The following RBL1 variants were observed in gnomAD, a reference collection of about 807,000 sequenced individuals.
RBL1 encodes RB transcriptional corepressor like 1, also known as retinoblastoma-like protein 1.
In RBL1, 82 loss-of-function variants were observed where a neutral mutation model predicts 123.0. That is an observed-to-expected ratio of 0.67 (90% CI 0.56 to 0.80). The LOEUF (loss-of-function observed/expected upper bound fraction) is 0.80, where lower values mean the gene tolerates loss of function less well. Among genes scored for constraint, RBL1 ranks in the 30% least tolerant of loss-of-function variants. RBL1 has a pLI of 0.00. For missense variants in RBL1, 1,171 were observed against 1,299.6 expected, an observed-to-expected ratio of 0.90 and a Z score of 1.52; for synonymous variants, 405 against 441.3, an observed-to-expected ratio of 0.92 and a Z score of 1.03.
chr20:37,049,417 TACA>T, intron 11 of RBL1: 1 of 746,114 alleles, frequency 1.3e-6, no homozygotes, highest in South Asian at 1.4e-5. Context: ...GATGTCTGAC[TACA>T]ACATTCAAAA....
At chr20:37,065,901 A>C (rs998659503) in intron 6 of RBL1, among the ~76,000 whole-genome samples, 11 of 152,202 alleles carry the variant, frequency 7.2e-5, no homozygotes, top group Admixed American at 6.5e-4. Context: ...GGCGTGAGCC[A>C]CCGCGCCCAG....
chr20:37,013,562 GAGAAACACCCAAGA>G (rs2064200284), intron 19 of RBL1, among the ~76,000 whole-genome samples: 1 of 140,894 alleles, frequency 7.1e-6, no homozygotes, highest in Non-Finnish European at 1.5e-5. Flanking sequence ...CTCCCTCTGC[GAGAAACACCCAAGA>G]ATGATCAATA....
chr20:37,056,079 T>C, intron 10 of RBL1, 67 bp downstream of exon 10: 6 of 1,521,808 alleles, frequency 3.9e-6, no homozygotes, highest in Non-Finnish European at 5.2e-6. Context: ...GGAAAAACCG[T>C]GAATTTCTAA....
intron 16 of RBL1, among the ~76,000 whole-genome samples, chr20:37,025,491 G>A (rs1438225021): frequency 6.6e-6 from 1 of 151,896 alleles, no homozygotes. Flanking sequence ...CTGCACCCCT[G>A]CACGGGTGAC....
intron 16 of RBL1, among the ~76,000 whole-genome samples, chr20:37,032,049 G>A (rs976568731): frequency 6.6e-6 from 1 of 151,108 alleles, no homozygotes; most frequent in African/African-American, 2.4e-5. Flanking sequence ...CGCCTGGTTT[G>A]AACAGACACC....
chr20:37,052,215 T>G (rs1388397451), intron 11 of RBL1, among the ~76,000 whole-genome samples: 1 of 151,288 alleles, frequency 6.6e-6, no homozygotes, highest in African/African-American at 2.4e-5. Context: ...GTATTTTTAG[T>G]AGAGATGGGG....
rs746512044 is a variant in RBL1 at position 37,022,808 on chromosome 20, C to T, written c.2401G>A (p.Val801Ile). The change falls in exon 17 of 22, where the codon GTA (valine) becomes ATA (isoleucine). Residue 801 changes from valine to isoleucine, a missense_variant. By Grantham distance (29) the Val-to-Ile change is conservative (BLOSUM62 3). Coordinates refer to ENST00000373664, the MANE Select transcript of RBL1 (RefSeq NM_002895.5). ...FYRKVYHLAS[V>I]RLRDLCLKLD... ...TTTAGACATAGATCACGTAAGCGTA[C>T]ACTTGCCAAATGATAGACCTAAAAT... 8 of 1,610,254 alleles carry T rather than the reference C, an allele frequency of 5.0e-6. No individual in the cohort carries two copies. Among genetic ancestry groups the T allele is most frequent in the Non-Finnish European group, 6.8e-6 (8 of 1,178,166 alleles).
chr20:37,083,869 TA>T (rs1232678309), intron 2 of RBL1, among the ~76,000 whole-genome samples: 15 of 151,752 alleles, frequency 9.9e-5, no homozygotes, highest in South Asian at 2.1e-4. Context: ...TAAAAAGACT[TA>T]GTTTTCTTTT....
intron 2 of RBL1, among the ~76,000 whole-genome samples, chr20:37,083,531 A>C (rs920407731): frequency 2.7e-5 from 4 of 150,610 alleles, no homozygotes; most frequent in Non-Finnish European, 5.9e-5. Context: ...TCACACCTGT[A>C]ATCCTAGCAC....
chr20:37,062,077 A>C lies in RBL1; in HGVS notation c.1083+7T>G, dbSNP rs759240118. 3 of 1,610,054 alleles carry C rather than the reference A, an allele frequency of 1.9e-6. No individual in the cohort carries two copies. Among genetic ancestry groups the C allele is most frequent in the African/African-American group, 1.3e-5 (1 of 74,936 alleles). On this transcript the variant is annotated splice_region_variant and intron_variant, in intron 8 of 21. Transcript: ENST00000373664. The stretch of plus-strand genomic sequence containing the variant: ...TTCAAGATTGAGGCCAGGCTAGGTT[A>C]TATTACTTTTTCAAAGTGCTGTTGA...
chr20:37,069,834 C>T (rs1181775773), intron 2 of RBL1, among the ~76,000 whole-genome samples: 3 of 151,108 alleles, frequency 2.0e-5, no homozygotes, highest in Admixed American at 6.6e-5. Flanking sequence ...CCGCCCTGTC[C>T]GGGAGGGAGG....
At chr20:37,057,753 C>T (rs772661478) in intron 9 of RBL1, among the ~76,000 whole-genome samples, 5 of 152,014 alleles carry the variant, frequency 3.3e-5, no homozygotes, top group Non-Finnish European at 7.4e-5. Flanking sequence ...CTTCGGGAGG[C>T]CAAGGTAGGT....
chr20:37,055,225 A>C (rs887495653), intron 11 of RBL1, among the ~76,000 whole-genome samples: 1 of 150,060 alleles, frequency 6.7e-6, no homozygotes, highest in African/African-American at 2.4e-5. Context: ...TTTATAATCC[A>C]AAATCCTTGG....
chr20:37,066,986 G>C lies in RBL1; in HGVS notation c.685+7C>G, dbSNP rs765838046. 3.8e-6 allele frequency: 6 copies of C among 1,593,318 alleles called. No individual in the cohort carries two copies. Among genetic ancestry groups the C allele is most frequent in the Non-Finnish European group, 5.1e-6 (6 of 1,172,322 alleles). ...ATCAGTTTTCAAAAATAAATAAAAGGTCTTACCTTTAAATGATGGATTTAG... is the reference window on the plus strand; with the variant it reads ...ATCAGTTTTCAAAAATAAATAAAAGCTCTTACCTTTAAATGATGGATTTAG... On this transcript the variant is annotated splice_region_variant and intron_variant, in intron 5 of 21. Transcript: ENST00000373664.
intron 21 of RBL1, among the ~76,000 whole-genome samples, chr20:37,000,647 CCT>C: frequency 7.7e-6 from 1 of 129,128 alleles, no homozygotes; most frequent in African/African-American, 3.1e-5. Context: ...GTGAGGGGCG[CCT>C]CTGCCCGGCC....
intron 2 of RBL1, among the ~76,000 whole-genome samples, chr20:37,080,854 T>C (rs2065437926): frequency 6.6e-6 from 1 of 152,186 alleles, no homozygotes; most frequent in African/African-American, 2.4e-5. Flanking sequence ...TAGGCTCTTT[T>C]AAGTTGGTTT....
chr20:37,055,404 C>T (rs6124584), intron 11 of RBL1, 149 bp downstream of exon 11: 1 of 1,125,592 alleles, frequency 8.9e-7, no homozygotes, highest in Middle Eastern at 2.3e-4. Context: ...ATTGATTAGC[C>T]TTGCATGTGC....
At chr20:37,018,143 A>G in intron 19 of RBL1, 136 bp downstream of exon 19, 1 of 1,014,958 alleles carries the variant, frequency 9.9e-7, no homozygotes, top group Non-Finnish European at 1.3e-6. Flanking sequence ...TCTCAAACTT[A>G]TTTGTTTTCA....
At chr20:37,074,568 T>C (rs2065334386) in intron 2 of RBL1, among the ~76,000 whole-genome samples, 1 of 151,878 alleles carries the variant, frequency 6.6e-6, no homozygotes, top group African/African-American at 2.4e-5. Flanking sequence ...ACAAGAAGAA[T>C]TGGCAAGAAT....
Sources: gnomAD v4.1 joint callset for allele counts (sites outside exome capture counted in the v4.1 genomes callset) on GRCh38, gnomAD v4.1.1 for gene constraint, MANE v1.5 for transcripts, NCBI Gene and HGNC (gene_info 2026-07-23, HGNC 2026-07-21) for gene names.